PALB2: variants seen among roughly 807,000 people sequenced by gnomAD.
PALB2 encodes partner and localizer of BRCA2, also known as mutant partner and localizer of BRCA2.
PALB2 carries 82 observed loss-of-function variants against 107.4 expected under a neutral mutation model. The observed-to-expected ratio is 0.76, with a 90% confidence interval of 0.64 to 0.92. PALB2 has a LOEUF of 0.92. Ranked by LOEUF, PALB2 falls within the 40% of genes least tolerant of loss-of-function variation. The probability of loss-of-function intolerance (pLI) is 0.00; values close to 1 mark genes in which losing one functional copy is unlikely to be tolerated. For missense variants in PALB2, 1,374 were observed against 1,379.9 expected (o/e 1.00, Z 0.07); for synonymous variants, 489 against 496.8 (o/e 0.98, Z 0.21).
At chr16:23,610,570 G>A (rs950788314) in intron 11 of PALB2, among the ~76,000 whole-genome samples, 1 of 151,812 alleles carries the variant, frequency 6.6e-6, no homozygotes, top group African/African-American at 2.4e-5. Flanking sequence ...GCCTCACAAA[G>A]TGCTGGGATT....
chr16:23,638,278 G>C, intron 1 of PALB2, 149 bp from the exon 2 acceptor site: 1 of 728,316 alleles, frequency 1.4e-6, no homozygotes, highest in Admixed American at 2.0e-5. Flanking sequence ...AAAGCACCAA[G>C]CTCTGACCAT....
Position 23,636,041 on chromosome 16 carries a change from G to T in PALB2, c.505C>A (p.Leu169Ile), listed in dbSNP as rs180177086. The change falls in exon 4 of 13, where the codon CTC (leucine) becomes ATC (isoleucine). Residue 169 changes from leucine (L) to isoleucine (I), a missense_variant. Transcript: ENST00000261584. ...ERDCVFGTDSLRLSGKRLKEQ... is the reference protein window; with the variant it reads ...ERDCVFGTDSIRLSGKRLKEQ... ...TTTAGTCTTTTCCCAGACAATCTGA[G>T]TGAATCAGTGCCAAAGACACAGTCT... 6.2e-7 allele frequency: 1 copy of T among 1,614,086 alleles called. No individual in the cohort carries two copies. The highest frequency in any genetic ancestry group is 8.5e-7 in the Non-Finnish European group (1 of 1,180,022).
In PALB2 at chr16:23,641,103, C is replaced by G. The variant is rs190626072; in HGVS notation, c.48+7G>C. On this transcript the variant is annotated splice_region_variant and intron_variant, in intron 1 of 12. Transcript: ENST00000261584. ...TCCTGCGTCCGCCCTTCCCGCACCC[C>G]CGGCACCTTTTCCTTCTCCTCACAG... The G allele has an allele frequency of 2.9e-5, 46 of 1,613,238 alleles. No homozygotes were observed. In the African/African-American group the frequency reaches 5.2e-4, roughly 18 times the overall value.
In PALB2 at chr16:23,634,909, A is replaced by G. The variant is rs148647206; in HGVS notation, c.1637T>C (p.Val546Ala). 44 of 1,614,022 alleles carry G rather than the reference A, an allele frequency of 2.7e-5. No individual in the cohort carries two copies. The highest frequency in any genetic ancestry group is 3.6e-5 in the Non-Finnish European group (43 of 1,180,038). ...LSIVNRSKEE[V>A]TSHKYQHEKL... ...TTCGTGCTGATATTTGTGTGAGGTG[A>G]CTTCTTCCTTGGACCTGTTAACAAT... Residue 546 changes from valine to alanine, a missense_variant, in exon 4 of 13, where the codon GTC becomes GCC. Val to Ala is a moderately conservative substitution (Grantham distance 64, BLOSUM62 0). Coordinates refer to ENST00000261584, the MANE Select transcript of PALB2 (RefSeq NM_024675.4).
intron 4 of PALB2, among the ~76,000 whole-genome samples, chr16:23,633,730 G>T (rs1404118829): frequency 6.6e-6 from 1 of 151,668 alleles, no homozygotes; most frequent in Admixed American, 6.6e-5. Context: ...TTGAGAGAGG[G>T]TTTTGCTCTA....
intron 10 of PALB2, chr16:23,617,577 AAAATTTTTTT>A (rs1966706519): frequency 6.9e-6 from 1 of 145,768 alleles, no homozygotes; most frequent in Non-Finnish European, 1.5e-5. Context: ...TAAAAAAAAA[AAAATTTTTTT>A]TTTTTTAATT....
chr16:23,641,004 C>A, intron 1 of PALB2, 106 bp downstream of exon 1: 2 of 1,280,920 alleles, frequency 1.6e-6, no homozygotes, highest in South Asian at 2.6e-5. Flanking sequence ...AGGGGGTGGT[C>A]AGATGATACT....
chr16:23,638,281 C>T (rs1004640477), intron 1 of PALB2, 152 bp from the exon 2 acceptor site: 11 of 722,330 alleles, frequency 1.5e-5, no homozygotes, highest in Non-Finnish European at 2.5e-5. Flanking sequence ...GCACCAAGCT[C>T]TGACCATTTC....
intron 10 of PALB2, among the ~76,000 whole-genome samples, chr16:23,615,666 A>T (rs1337160932): frequency 6.6e-6 from 1 of 151,760 alleles, no homozygotes; most frequent in African/African-American, 2.4e-5. Flanking sequence ...ATAAAGTCCA[A>T]GTTCTTTTTT....
At chr16:23,608,348 C>T (rs249932) in intron 11 of PALB2, among the ~76,000 whole-genome samples, 10,223 of 152,034 alleles carry the variant, frequency 0.067, 392 homozygotes, top group East Asian at 0.17. Context: ...AGCCACCGCG[C>T]TCAGCCAACT....
chr16:23,635,211 CTTATTT>C lies in PALB2; in HGVS notation c.1329_1334del (p.Asn444_Lys445del). 1 of 1,614,094 alleles carries C rather than the reference CTTATTT, an allele frequency of 6.2e-7. No homozygotes were observed. Among genetic ancestry groups the C allele is most frequent in the Non-Finnish European group, 8.5e-7 (1 of 1,180,006 alleles). On this transcript the variant is annotated inframe_deletion, in exon 4 of 13. Coordinates refer to ENST00000261584, the MANE Select transcript of PALB2 (RefSeq NM_024675.4). ...AAAGGTTTAAATTTTTACTTGCATC[CTTATTT>C]TTATTTTTAAACCCTTTTTTCTTGA...
intron 11 of PALB2, among the ~76,000 whole-genome samples, chr16:23,609,842 G>T (rs1411414248): frequency 3.3e-5 from 5 of 151,876 alleles, no homozygotes; most frequent in Non-Finnish European, 7.4e-5. Flanking sequence ...GGGGGGATAG[G>T]GTCTCACTGT....
At chr16:23,606,994 A>G (rs1396575576) in intron 12 of PALB2, among the ~76,000 whole-genome samples, 7 of 150,564 alleles carry the variant, frequency 4.6e-5, no homozygotes, top group Middle Eastern at 3.5e-3. Context: ...TTGTATTTTT[A>G]GTAGAGATGG....
In PALB2 at chr16:23,626,281, C is replaced by A. The variant is rs1278315369; in HGVS notation, c.2703G>T (p.Leu901=). 2 of 1,614,150 alleles carry A rather than the reference C, an allele frequency of 1.2e-6. No individual in the cohort carries two copies. Among genetic ancestry groups the A allele is most frequent in the Admixed American group, 3.3e-5 (2 of 60,016 alleles). The change falls in exon 7 of 13, where the codon CTG becomes CTT. Residue 901 remains leucine, a synonymous_variant. Transcript: ENST00000261584. Reference sequence around the variant, plus strand: ...AAAGTTTTTCCCACTGCCAAGCATCCAGAGCTTTCCAAAGAGAAACTACAT... The same window carrying A: ...AAAGTTTTTCCCACTGCCAAGCATCAAGAGCTTTCCAAAGAGAAACTACAT... ...CEDVVSLWKA[L]DAWQWEKLYT... is the part of the protein sequence containing the mutation.
rs761829458 is a variant in PALB2 at position 23,630,253 on chromosome 16, G to A, written c.1901C>T (p.Pro634Leu). ...CATTTTTGACTCAAAGGGCTCCACT[G>A]GTTTTTCTGAGCAGGACTTCACTTT... ...LEKVKSCSEK[P>L]VEPFESKMFG... is the part of the protein sequence containing the mutation. The change falls in exon 5 of 13, where the codon CCA becomes CTA. Residue 634 changes from proline to leucine, a missense_variant. Transcript: ENST00000261584. 1 of 1,614,126 alleles carries A rather than the reference G, an allele frequency of 6.2e-7. No homozygotes were observed. The highest frequency in any genetic ancestry group is 8.5e-7 in the Non-Finnish European group (1 of 1,180,026).
At chr16:23,632,272 C>A (rs377415061) in intron 4 of PALB2, among the ~76,000 whole-genome samples, 1 of 152,018 alleles carries the variant, frequency 6.6e-6, no homozygotes, top group Admixed American at 6.6e-5. Flanking sequence ...GGTGAAACCC[C>A]GTCTCTACTA....
chr16:23,610,309 C>CTTTTTTTT (rs200742073), intron 11 of PALB2, among the ~76,000 whole-genome samples: 1 of 133,736 alleles, frequency 7.5e-6, no homozygotes, highest in Non-Finnish European at 1.6e-5. Context: ...AATGTTATTT[C>CTTTTTTTT]TTTTTTTTTT....
intron 1 of PALB2, chr16:23,640,755 G>C (rs1221381467): frequency 3.5e-6 from 1 of 289,702 alleles, no homozygotes. Flanking sequence ...ATTAACACAC[G>C]AAAGGACCTG....
chr16:23,631,770 T>C (rs1966880121), intron 4 of PALB2, among the ~76,000 whole-genome samples: 1 of 152,224 alleles, frequency 6.6e-6, no homozygotes, highest in African/African-American at 2.4e-5. Flanking sequence ...TGCCAGAGTA[T>C]GTTCTACAAA....
Sources: gnomAD v4.1 joint callset for allele counts (sites outside exome capture counted in the v4.1 genomes callset) on GRCh38, gnomAD v4.1.1 for gene constraint, MANE v1.5 for transcripts, NCBI Gene and HGNC (gene_info 2026-07-23, HGNC 2026-07-21) for gene names.